TMEM132D: variants seen among roughly 807,000 people sequenced by gnomAD.
TMEM132D encodes mature OL transmembrane protein.
In TMEM132D, 21 loss-of-function variants were observed where a neutral mutation model predicts 62.3. That is an observed-to-expected ratio of 0.34 (90% CI 0.24 to 0.49). The LOEUF is 0.49. Ranked by LOEUF, TMEM132D falls within the 20% of genes least tolerant of loss-of-function variation. The probability of loss-of-function intolerance (pLI) is 0.99; values close to 1 mark genes in which losing one functional copy is unlikely to be tolerated. For synonymous variants in TMEM132D, 621 were observed against 575.6 expected (o/e 1.08, Z -1.13); for missense variants, 1,346 against 1,402.8 (o/e 0.96, Z 0.65).
chr12:129,896,149 T>G, intron 1 of TMEM132D, among the ~76,000 whole-genome samples: 1 of 151,748 alleles, frequency 6.6e-6, no homozygotes, highest in South Asian at 2.1e-4. Flanking sequence ...TTTTTTGTTT[T>G]GTTTTGTTTT....
At chr12:129,579,163 C>T (rs889964106) in intron 2 of TMEM132D, among the ~76,000 whole-genome samples, 2 of 152,216 alleles carry the variant, frequency 1.3e-5, no homozygotes, top group African/African-American at 4.8e-5. Flanking sequence ...ACGATGAATG[C>T]TGATCCTATC....
At chr12:129,481,035 G>A (rs1025074227) in intron 3 of TMEM132D, among the ~76,000 whole-genome samples, 3 of 152,086 alleles carry the variant, frequency 2.0e-5, no homozygotes, top group African/African-American at 7.2e-5. Context: ...AATGCACACA[G>A]GAATGTGAAT....
At chr12:129,106,982 C>T (rs1875521893) in intron 5 of TMEM132D, among the ~76,000 whole-genome samples, 1 of 152,144 alleles carries the variant, frequency 6.6e-6, no homozygotes, top group Non-Finnish European at 1.5e-5. Context: ...TGTTTGTTAC[C>T]TCAGCATCCC....
intron 1 of TMEM132D, among the ~76,000 whole-genome samples, chr12:129,849,304 A>C (rs1269566445): frequency 6.6e-6 from 1 of 152,224 alleles, no homozygotes; most frequent in Non-Finnish European, 1.5e-5. Context: ...GAATATAAGC[A>C]AGGTTTTCTA....
chr12:129,324,285 G>A (rs897223719), intron 4 of TMEM132D, among the ~76,000 whole-genome samples: 3 of 152,166 alleles, frequency 2.0e-5, no homozygotes, highest in African/African-American at 7.2e-5. Context: ...ATAACCAAGC[G>A]AATCCAGTCT....
Position 129,903,111 on chromosome 12 carries a change from TCACACGCGCGCACACACACATGCA to T in TMEM132D, c.79+126_79+149del. ...GCTTGGCTGCCGCACGAGCGCACGT[TCACACGCGCGCACACACACATGCA>T]CACAAGCGCGCACACACACTTGCAC... On this transcript the variant is annotated intron_variant, in intron 1 of 8. Transcript: ENST00000422113. The surrounding 1 kb of genome is among the most constrained non-coding windows in gnomAD (Gnocchi z 6.2). 1 of 864,648 alleles carries T rather than the reference TCACACGCGCGCACACACACATGCA, an allele frequency of 1.2e-6. No individual in the cohort carries two copies. The highest frequency in any genetic ancestry group is 1.8e-6 in the Non-Finnish European group (1 of 558,386). 53.6% of individuals were successfully genotyped at this position (864,648 alleles called of 1,614,324 possible). A position where few individuals can be genotyped will look rare whatever the true frequency, so the allele number is the denominator to read the frequency against.
chr12:129,669,267 G>A (rs1014058623), intron 2 of TMEM132D, among the ~76,000 whole-genome samples: 1 of 152,210 alleles, frequency 6.6e-6, no homozygotes, highest in African/African-American at 2.4e-5. Context: ...GGACTGGAGA[G>A]AGAAAAATTA....
rs138549566 is a variant in TMEM132D at position 129,151,511 on chromosome 12, C to T, written c.1443+58009G>A. ...ACATGCCTCAGTTCCAACCTGCCAT[C>T]GTCATGCGACGCTCACCACACCCAG... On this transcript the variant is annotated intron_variant, in intron 5 of 8. Transcript: ENST00000422113. Among the ~76,000 whole-genome samples the T allele has an allele frequency of 3.2e-3, 480 of 152,326 alleles. 4 individuals are homozygous for T. The highest frequency in any genetic ancestry group is 0.011 in the African/African-American group (461 of 41,572).
At position 129,519,288 on chromosome 12, in the gene TMEM132D, A is replaced by G. The variant is rs916331053; in HGVS notation, c.1115+11771T>C. On this transcript the variant is annotated intron_variant, in intron 3 of 8. Transcript: ENST00000422113. ...CCAGAGTAGCTGTGACTTTTCGCCAACAGAAGCCACAGTGATCTTCATAGT... is the reference window on the plus strand; with the variant it reads ...CCAGAGTAGCTGTGACTTTTCGCCAGCAGAAGCCACAGTGATCTTCATAGT... Among the ~76,000 whole-genome samples the G allele has an allele frequency of 3.5e-4, 53 of 152,244 alleles. 1 individual carries two copies. Among genetic ancestry groups the G allele is most frequent in the African/African-American group, 1.2e-3 (49 of 41,548 alleles).
At chr12:129,266,107 G>T (rs1202475063) in intron 4 of TMEM132D, among the ~76,000 whole-genome samples, 1 of 126,048 alleles carries the variant, frequency 7.9e-6, no homozygotes, top group Non-Finnish European at 1.7e-5. Flanking sequence ...GAAGGCCACT[G>T]ATGATGGCCT....
At chr12:129,668,135 T>A (rs1880420463) in intron 2 of TMEM132D, among the ~76,000 whole-genome samples, 1 of 151,106 alleles carries the variant, frequency 6.6e-6, no homozygotes, top group South Asian at 2.1e-4. Context: ...GCGAATGGCA[T>A]CTGGTTTACT....
intron 1 of TMEM132D, among the ~76,000 whole-genome samples, chr12:129,769,200 C>A (rs1018632368): frequency 2.0e-5 from 3 of 152,094 alleles, no homozygotes; most frequent in African/African-American, 4.8e-5. Context: ...TCTCAAACTG[C>A]TAATAAAGAC....
At chr12:129,799,073 T>C (rs531801785) in intron 1 of TMEM132D, among the ~76,000 whole-genome samples, 298 of 152,254 alleles carry the variant, frequency 2.0e-3, no homozygotes, top group African/African-American at 6.9e-3. Flanking sequence ...AGACCAATCC[T>C]GTCCAACACA....
chr12:129,370,611 G>A (rs999998516), intron 3 of TMEM132D, among the ~76,000 whole-genome samples: 2 of 152,198 alleles, frequency 1.3e-5, no homozygotes, highest in Non-Finnish European at 2.9e-5. Context: ...ATTCACAATA[G>A]CGAAAATATG....
intron 5 of TMEM132D, among the ~76,000 whole-genome samples, chr12:129,130,835 C>CATA (rs1468333014): frequency 6.6e-6 from 1 of 152,208 alleles, no homozygotes; most frequent in East Asian, 1.9e-4. Flanking sequence ...TATACCAATG[C>CATA]ATGCTTCGAT....
At chr12:129,598,115 A>G (rs1878388269) in intron 2 of TMEM132D, among the ~76,000 whole-genome samples, 2 of 152,248 alleles carry the variant, frequency 1.3e-5, no homozygotes, top group Admixed American at 1.3e-4. Flanking sequence ...ACACATTTGG[A>G]AGGTGTAGAA....
intron 1 of TMEM132D, among the ~76,000 whole-genome samples, chr12:129,849,102 G>A (rs1423362118): frequency 6.6e-6 from 1 of 152,174 alleles, no homozygotes; most frequent in African/African-American, 2.4e-5. Context: ...TGTGGTCACG[G>A]ACAGGAGTTT....
At chr12:129,566,999 T>C (rs1267009816) in intron 2 of TMEM132D, among the ~76,000 whole-genome samples, 2 of 152,244 alleles carry the variant, frequency 1.3e-5, no homozygotes, top group South Asian at 2.1e-4. Flanking sequence ...CTTACGTGTA[T>C]TGACTGACGT....
At chr12:129,583,179 T>C (rs1877926969) in intron 2 of TMEM132D, among the ~76,000 whole-genome samples, 1 of 152,242 alleles carries the variant, frequency 6.6e-6, no homozygotes, top group African/African-American at 2.4e-5. Context: ...ATTGTGTCCA[T>C]ATGAAACATT....
Sources: gnomAD v4.1 joint callset for allele counts (sites outside exome capture counted in the v4.1 genomes callset) on GRCh38, gnomAD v4.1.1 for gene constraint, Gnocchi (gnomAD v3.1) non-coding constraint, MANE v1.5 for transcripts, NCBI Gene and HGNC (gene_info 2026-07-23, HGNC 2026-07-21) for gene names.